The following SLCO4A1 variants were observed in gnomAD, a reference collection of about 807,000 sequenced individuals.
The protein encoded by SLCO4A1 is colon organic anion transporter.
In SLCO4A1, 51 loss-of-function variants were observed where a neutral mutation model predicts 64.6. That is an observed-to-expected ratio of 0.79 (90% CI 0.63 to 1.00). The LOEUF is 1.00. Among genes scored for constraint, SLCO4A1 ranks in the 50% least tolerant of loss-of-function variants. SLCO4A1 has a pLI of 0.00. For synonymous variants in SLCO4A1, 471 were observed against 444.9 expected (o/e 1.06, Z -0.74); for missense variants, 919 against 980.5 (o/e 0.94, Z 0.84).
In SLCO4A1 at chr20:62,660,438, T is replaced by TGTGGGTCGGCGCCTG; in HGVS notation, c.925_939dup (p.Ala309_Gly313dup). ...ACGGAGCTGACCACCGAGAGCCCAC[T>TGTGGGTCGGCGCCTG]GTGGGTCGGCGCCTGGTGGGTCGGC... On this transcript the variant is annotated inframe_insertion, in exon 4 of 12. Transcript: ENST00000217159. 2 of 1,600,186 alleles carry TGTGGGTCGGCGCCTG rather than the reference T, an allele frequency of 1.2e-6. No individual in the cohort carries two copies. Among genetic ancestry groups the TGTGGGTCGGCGCCTG allele is most frequent in the Non-Finnish European group, 1.7e-6 (2 of 1,179,820 alleles).
downstream of SLCO4A1, among the ~76,000 whole-genome samples, chr20:62,674,755 A>T (rs972378109): frequency 6.6e-6 from 1 of 152,138 alleles, no homozygotes; most frequent in Admixed American, 6.5e-5. Flanking sequence ...GGGTGAGATG[A>T]GGGGGTGAGG....
Position 62,645,118 on chromosome 20 carries a change from A to C in SLCO4A1, c.-97+2565A>C, listed in dbSNP as rs1981074992. On this transcript the variant is annotated intron_variant, in intron 1 of 11. Coordinates refer to ENST00000217159, the MANE Select transcript of SLCO4A1 (RefSeq NM_016354.4). This position sits in a 1 kb window ranked among gnomAD's most constrained non-coding sequence, Gnocchi z 4.2. Reference sequence around the variant, plus strand: ...GACATGGACCACTGTCTGGCCCCCCAGTGAGCTTGCTGAGTGTCAGCTGAC... The same window carrying C: ...GACATGGACCACTGTCTGGCCCCCCCGTGAGCTTGCTGAGTGTCAGCTGAC... Among the ~76,000 whole-genome samples the C allele has an allele frequency of 6.6e-6, 1 of 152,194 alleles. No individual in the cohort carries two copies. The highest frequency in any genetic ancestry group is 2.4e-5 in the African/African-American group (1 of 41,446).
chr20:62,643,023 C>T (rs1429408505), intron 1 of SLCO4A1: 2 of 470,196 alleles, frequency 4.3e-6, no homozygotes, highest in Admixed American at 2.3e-5. Flanking sequence ...CCTGCGGCGG[C>T]CGCTGCTGCC....
chr20:62,670,024 T>A (rs1424204788), intron 11 of SLCO4A1: 2 of 152,284 alleles, frequency 1.3e-5, no homozygotes, highest in South Asian at 2.1e-4. Context: ...GTTCATAACC[T>A]TTAAAGCACG....
At chr20:62,688,749 G>A (rs1988141938), downstream of SLCO4A1, among the ~76,000 whole-genome samples, 2 of 152,226 alleles carry the variant, frequency 1.3e-5, no homozygotes, top group Non-Finnish European at 2.9e-5. Flanking sequence ...TTCTGGGCTT[G>A]AAGGCAGAGC....
At chr20:62,648,706 C>A (rs750110616) in intron 1 of SLCO4A1, among the ~76,000 whole-genome samples, 1 of 152,136 alleles carries the variant, frequency 6.6e-6, no homozygotes, top group Non-Finnish European at 1.5e-5. Context: ...TCCTGGGCAG[C>A]GATGGTGGTG....
At chr20:62,666,040 G>C (rs1986173395) in intron 6 of SLCO4A1, 2 of 210,524 alleles carry the variant, frequency 9.5e-6, no homozygotes, top group Admixed American at 1.1e-4. Context: ...GGAGTCATTG[G>C]CTTCCCACTG....
Position 62,667,750 on chromosome 20 carries a change from T to C in SLCO4A1, c.1478T>C (p.Leu493Pro). The change falls in exon 8 of 12, where the codon CTG becomes CCG. Residue 493 changes from leucine (L) to proline (P), a missense_variant. Transcript: ENST00000217159. ...GVTASYGGSL[L>P]PEGHLNLTAP... ...CGCTTGTCCCCCCTCTGCAGCCTCC[T>C]GCCCGAAGGCCACCTGAACCTAACG... 2 of 1,607,620 alleles carry C rather than the reference T, an allele frequency of 1.2e-6. No individual in the cohort carries two copies. Among genetic ancestry groups the C allele is most frequent in the East Asian group, 2.2e-5 (1 of 44,776 alleles).
rs898307814 is a variant in SLCO4A1, at chr20:62,663,742, T to C, written c.1122-1192T>C. 8.5e-5 allele frequency among the ~76,000 whole-genome samples: 13 copies of C among 152,160 alleles called. 1 individual carries two copies. The highest frequency in any genetic ancestry group is 2.4e-4 in the African/African-American group (10 of 41,432). On this transcript the variant is annotated intron_variant, in intron 5 of 11. Coordinates refer to ENST00000217159, the MANE Select transcript of SLCO4A1 (RefSeq NM_016354.4). The stretch of plus-strand genomic sequence containing the variant: ...GTGCTGTGAACAGGATGCAGGCAGC[T>C]GTGAGCTGGGATGAATGTGAGCTTT...
At chr20:62,662,919 G>GGC (rs1468521102) in intron 5 of SLCO4A1, 1 of 152,262 alleles carries the variant, frequency 6.6e-6, no homozygotes, top group African/African-American at 2.4e-5. Context: ...GGGAAGGGAG[G>GGC]GCATGGGCTG....
Position 62,656,637 on chromosome 20 carries a change from G to A in SLCO4A1, c.183G>A (p.Gln61=). ...ACACCAGCAAGCAGCCCCTCTGCCA[G>A]CTCTGGGCCGAGAAGCATGGCGCCC... is the stretch of plus-strand genomic sequence containing the variant. ...PLDTSKQPLC[Q]LWAEKHGARG... The change falls in exon 2 of 12, where the codon CAG becomes CAA. Residue 61 remains glutamine (Q), a synonymous_variant. Transcript: ENST00000217159. 6.2e-7 allele frequency: 1 copy of A among 1,601,820 alleles called. No homozygotes were observed. Among genetic ancestry groups the A allele is most frequent in the Middle Eastern group, 1.7e-4 (1 of 6,044 alleles).
Position 62,660,471 on chromosome 20 carries a change from G to T in SLCO4A1, c.947G>T (p.Gly316Val). The change falls in exon 4 of 12, where the codon GGC becomes GTC. Residue 316 changes from glycine (G) to valine (V), a missense_variant. Coordinates refer to ENST00000217159, the MANE Select transcript of SLCO4A1 (RefSeq NM_016354.4). ...WVGAWWVGFLGSGAAAFFTAV... is the reference protein window; with the variant it reads ...WVGAWWVGFLVSGAAAFFTAV... ...GGCGCCTGGTGGGTCGGCTTCCTGG[G>T]CTCTGGGGCCGCTGCTTTCTTCACC... 5.6e-6 allele frequency: 9 copies of T among 1,603,282 alleles called. No individual in the cohort carries two copies. The highest frequency in any genetic ancestry group is 7.6e-6 in the Non-Finnish European group (9 of 1,179,930).
rs148710404 is a variant in SLCO4A1, at chr20:62,665,015, C to A, written c.1203C>A (p.Gly401=). The A allele has an allele frequency of 9.3e-3, 15,057 of 1,613,922 alleles. 125 individuals carry two copies. The highest frequency in any genetic ancestry group is 0.026 in the South Asian group (2,336 of 91,044). Residue 401 remains glycine (G), a synonymous_variant, in exon 6 of 12, where the codon GGC becomes GGA. Coordinates refer to ENST00000217159, the MANE Select transcript of SLCO4A1 (RefSeq NM_016354.4). ...CCACCGAGGCCACTCTCATCACCGG[C>A]ATGTCCACGTTCAGCCCCAAGTTCT... ...AGATEATLIT[G]MSTFSPKFLE... is the part of the protein sequence containing the mutation.
rs1335420489 is a variant in SLCO4A1 at position 62,661,621 on chromosome 20, G to A, written c.1121+446G>A. Among the ~76,000 whole-genome samples the A allele has an allele frequency of 7.5e-5, 11 of 147,216 alleles. No homozygotes were observed. The highest frequency in any genetic ancestry group is 2.0e-4 in the African/African-American group (8 of 39,476). ...ACACTCTAATTCCCTTTCATCAGGT[G>A]TCACCTGTGCCGTACCCCCCGGGCC... On this transcript the variant is annotated intron_variant, in intron 5 of 11. Coordinates refer to ENST00000217159, the MANE Select transcript of SLCO4A1 (RefSeq NM_016354.4). The surrounding 1 kb of genome is among the most constrained non-coding windows in gnomAD (Gnocchi z 5.2).
chr20:62,687,260 C>T (rs1173056319), downstream of SLCO4A1, among the ~76,000 whole-genome samples: 1 of 151,990 alleles, frequency 6.6e-6, no homozygotes, highest in East Asian at 1.9e-4. Context: ...CTAATCCTGG[C>T]CCCACGTTGT....
chr20:62,682,027 C>T (rs1175353668), intron 2 of SLCO4A1, among the ~76,000 whole-genome samples: 2 of 152,178 alleles, frequency 1.3e-5, no homozygotes, highest in African/African-American at 4.8e-5. Context: ...AGGACTGAGC[C>T]CTCAGCCGGG....
chr20:62,685,554 C>A lies in SLCO4A1; in HGVS notation n.325C>A. The A allele has an allele frequency of 1.7e-6, 1 of 586,038 alleles. No individual in the cohort carries two copies. The highest frequency in any genetic ancestry group is 2.2e-6 in the Non-Finnish European group (1 of 464,986). The allele number at this position is 586,038 out of a possible 1,614,324, so 36.3% of individuals were successfully genotyped here. A position where few individuals can be genotyped will look rare whatever the true frequency, so the allele number is the denominator to read the frequency against. On this transcript the variant is annotated non_coding_transcript_exon_variant, in exon 3 of 3. Coordinates refer to the SLCO4A1 transcript ENST00000466818. This position sits in a 1 kb window ranked among gnomAD's most constrained non-coding sequence, Gnocchi z 4.6. ...TGGATGTGGAGTCTCGGCTTTCTGA[C>A]AACGTCTTCCAGAGCAGGCTTTCTC...
At chr20:62,663,875 G>A (rs2427370) in intron 5 of SLCO4A1, among the ~76,000 whole-genome samples, 67,047 of 152,112 alleles carry the variant, frequency 0.44, 17,843 homozygotes, top group East Asian at 0.7. Context: ...AGGGCTTTGC[G>A]TGGTTTACAC....
At chr20:62,656,286 T>C in intron 1 of SLCO4A1, 73 bp from the exon 2 acceptor site, 1 of 615,948 alleles carries the variant, frequency 1.6e-6, no homozygotes, top group South Asian at 2.3e-5. Flanking sequence ...ATGGGTGTGC[T>C]GGAATGTTCC....
Sources: gnomAD v4.1 joint callset for allele counts (sites outside exome capture counted in the v4.1 genomes callset) on GRCh38, gnomAD v4.1.1 for gene constraint, Gnocchi (gnomAD v3.1) non-coding constraint, MANE v1.5 for transcripts, NCBI Gene and HGNC (gene_info 2026-07-23, HGNC 2026-07-21) for gene names.